DAB1: variants seen among roughly 807,000 people sequenced by gnomAD.
The protein encoded by DAB1 is DAB adaptor protein 1.
Under a neutral mutation model 64.6 loss-of-function variants are expected in DAB1, and 15 were observed. The ratio of observed to expected loss-of-function variants is 0.23; its 90% CI spans 0.16 to 0.36. The LOEUF (loss-of-function observed/expected upper bound fraction) is 0.36, where lower values mean the gene tolerates loss of function less well. Among genes scored for constraint, DAB1 ranks in the 10% least tolerant of loss-of-function variants. The pLI is 1.00. For missense variants in DAB1, 596 were observed against 706.7 expected (o/e 0.84, Z 1.78); for synonymous variants, 235 against 251.9 (o/e 0.93, Z 0.64).
At chr1:57,359,836 A>C (rs1295126688) in intron 1 of DAB1, among the ~76,000 whole-genome samples, 1 of 152,120 alleles carries the variant, frequency 6.6e-6, no homozygotes, top group Non-Finnish European at 1.5e-5. Context: ...AGCCAGGCAC[A>C]GAAAGACAAA....
chr1:58,496,513 T>C (rs112030861), intron 3 of DAB1, among the ~76,000 whole-genome samples: 3 of 152,292 alleles, frequency 2.0e-5, no homozygotes, highest in African/African-American at 7.2e-5. Flanking sequence ...GTTTTTCGTA[T>C]TTCTGCTCTT....
At chr1:58,290,580 A>T (rs562682261) in intron 4 of DAB1, among the ~76,000 whole-genome samples, 2 of 152,320 alleles carry the variant, frequency 1.3e-5, no homozygotes, top group African/African-American at 4.8e-5. Context: ...GTATTTCTCC[A>T]TTTCACAGAT....
intron 9 of DAB1, among the ~76,000 whole-genome samples, chr1:57,053,688 A>ATTTTTTTTT (rs61374333): frequency 1.4e-5 from 1 of 71,422 alleles, no homozygotes; most frequent in African/African-American, 5.5e-5. Context: ...ATATATATAT[A>ATTTTTTTTT]TTTTTTTTTT....
At chr1:57,786,583 G>C (rs1569681666) in intron 6 of DAB1, among the ~76,000 whole-genome samples, 1 of 152,230 alleles carries the variant, frequency 6.6e-6, no homozygotes, top group South Asian at 2.1e-4. Context: ...GCTTGACATT[G>C]CTTGACACTG....
chr1:58,064,567 T>G (rs918380726), intron 5 of DAB1, among the ~76,000 whole-genome samples: 3 of 152,218 alleles, frequency 2.0e-5, no homozygotes, highest in Non-Finnish European at 4.4e-5. Context: ...CTTGATTTTG[T>G]GCCTCCAGTC....
intron 2 of DAB1, among the ~76,000 whole-genome samples, chr1:57,243,902 A>T (rs1668677282): frequency 6.6e-6 from 1 of 152,168 alleles, no homozygotes; most frequent in Admixed American, 6.6e-5. Context: ...TTTGGAACCA[A>T]TTCATCCGTA....
At chr1:57,799,585 T>TA (rs1651030318) in intron 6 of DAB1, among the ~76,000 whole-genome samples, 1 of 146,580 alleles carries the variant, frequency 6.8e-6, no homozygotes, top group East Asian at 2.0e-4. Flanking sequence ...AAAAAAGATC[T>TA]GGGGGGGGCT....
At chr1:57,564,929 C>A (rs959083230) in intron 7 of DAB1, among the ~76,000 whole-genome samples, 1 of 152,058 alleles carries the variant, frequency 6.6e-6, no homozygotes. Context: ...GAGAATGCCA[C>A]AAAGATACTC....
At chr1:57,703,606 T>C (rs1262505437) in intron 6 of DAB1, among the ~76,000 whole-genome samples, 1 of 152,140 alleles carries the variant, frequency 6.6e-6, no homozygotes, top group Non-Finnish European at 1.5e-5. Context: ...AATTAGTTCA[T>C]TTATTGTGGC....
intron 3 of DAB1, among the ~76,000 whole-genome samples, chr1:57,142,609 C>CACACACACACACACACACACAT (rs1553147859): frequency 4.7e-4 from 70 of 149,290 alleles, no homozygotes; most frequent in Non-Finnish European, 4.3e-4. Context: ...CACACACACA[C>CACACACACACACACACACACAT]ACACACACAC....
intron 2 of DAB1, among the ~76,000 whole-genome samples, chr1:57,251,896 C>T (rs116296417): frequency 0.035 from 5,288 of 152,290 alleles, 94 homozygotes; most frequent in African/African-American, 0.04. Flanking sequence ...GGAATGACCT[C>T]TGTCGTGACA....
intron 6 of DAB1, among the ~76,000 whole-genome samples, chr1:57,685,695 A>G (rs562111349): frequency 4.1e-4 from 63 of 152,128 alleles, no homozygotes; most frequent in African/African-American, 1.5e-3. Context: ...ACAAATTGAA[A>G]TAATACCCAG....
intron 7 of DAB1, among the ~76,000 whole-genome samples, chr1:57,618,848 A>C (rs1053879173): frequency 6.6e-6 from 1 of 152,186 alleles, no homozygotes; most frequent in Non-Finnish European, 1.5e-5. Context: ...ATAAGAATTT[A>C]GATCCTGGAG....
intron 6 of DAB1, among the ~76,000 whole-genome samples, chr1:57,724,731 A>T (rs1647189198): frequency 6.6e-6 from 1 of 152,196 alleles, no homozygotes; most frequent in African/African-American, 2.4e-5. Flanking sequence ...CTGAGAATGC[A>T]GCCCAGCCTC....
At chr1:57,594,277 A>C (rs2101574750) in intron 7 of DAB1, among the ~76,000 whole-genome samples, 1 of 152,318 alleles carries the variant, frequency 6.6e-6, no homozygotes, top group East Asian at 1.9e-4. Flanking sequence ...CTGAGGAGAA[A>C]GCACACTCAT....
At chr1:57,918,110 A>AAT (rs1338165802) in intron 5 of DAB1, among the ~76,000 whole-genome samples, 1 of 135,180 alleles carries the variant, frequency 7.4e-6, no homozygotes. Flanking sequence ...AATAAATATA[A>AAT]AAATATGATT....
chr1:57,080,312 A>C (rs1652378580), intron 4 of DAB1, among the ~76,000 whole-genome samples: 1 of 152,204 alleles, frequency 6.6e-6, no homozygotes, highest in Admixed American at 6.5e-5. Context: ...ATCTGTCAGC[A>C]GGATCCTGTG....
intron 4 of DAB1, among the ~76,000 whole-genome samples, chr1:57,077,628 A>G (rs981898220): frequency 9.2e-5 from 14 of 152,156 alleles, no homozygotes; most frequent in Non-Finnish European, 1.8e-4. Flanking sequence ...TCCATGAGCC[A>G]TTTACCAGTG....
chr1:57,073,536 G>A (rs1182548056), intron 4 of DAB1, among the ~76,000 whole-genome samples: 1 of 152,040 alleles, frequency 6.6e-6, no homozygotes, highest in Non-Finnish European at 1.5e-5. Context: ...ACTCTGTAAA[G>A]GCTTATATAT....
Sources: allele counts gnomAD v4.1 joint callset (sites outside exome capture counted in the v4.1 genomes callset), GRCh38; gene constraint gnomAD v4.1.1; transcripts MANE v1.5; gene names NCBI Gene and HGNC (gene_info 2026-07-23, HGNC 2026-07-21).